PTPRM: variants seen among roughly 807,000 people sequenced by gnomAD.
PTPRM encodes the protein protein tyrosine phosphatase receptor type M, also known as receptor-type tyrosine-protein phosphatase mu.
PTPRM carries 47 observed loss-of-function variants against 186.7 expected under a neutral mutation model. The ratio of observed to expected loss-of-function variants is 0.25; its 90% CI spans 0.20 to 0.32. The LOEUF is 0.32. Ranked by LOEUF, PTPRM falls within the 10% of genes least tolerant of loss-of-function variation. The pLI is 1.00. For synonymous variants in PTPRM, 668 were observed against 674.9 expected, an observed-to-expected ratio of 0.99 and a Z score of 0.16; for missense variants, 1,494 against 1,865.0, an observed-to-expected ratio of 0.80 and a Z score of 3.66.
chr18:8,262,173 G>A (rs371449186), intron 19 of PTPRM, among the ~76,000 whole-genome samples: 4 of 152,090 alleles, frequency 2.6e-5, no homozygotes, highest in Admixed American at 6.6e-5. Context: ...ATTTTCAGTG[G>A]CTGCCCTCTC....
chr18:7,888,968 AAGG>A (rs1322867921), intron 3 of PTPRM, among the ~76,000 whole-genome samples: 1 of 152,126 alleles, frequency 6.6e-6, no homozygotes, highest in Non-Finnish European at 1.5e-5. Flanking sequence ...AGAATACAAA[AAGG>A]AGGGGAGCAA....
At chr18:8,106,094 C>A (rs1407631167) in intron 11 of PTPRM, among the ~76,000 whole-genome samples, 1 of 152,100 alleles carries the variant, frequency 6.6e-6, no homozygotes, top group Non-Finnish European at 1.5e-5. Context: ...GACTAGGAAG[C>A]CTGGTTTTCA....
At chr18:7,975,062 C>A (rs1011335625) in intron 7 of PTPRM, among the ~76,000 whole-genome samples, 1 of 152,150 alleles carries the variant, frequency 6.6e-6, no homozygotes, top group Admixed American at 6.5e-5. Context: ...GAAGATGCAT[C>A]CTTGCACCAC....
At chr18:7,838,572 C>T (rs78234401) in intron 2 of PTPRM, among the ~76,000 whole-genome samples, 62 of 152,340 alleles carry the variant, frequency 4.1e-4, no homozygotes, top group Non-Finnish European at 8.1e-4. Flanking sequence ...GAGACACAAG[C>T]ACCCCTGTGC....
At chr18:8,138,216 T>TC (rs11442236) in intron 13 of PTPRM, among the ~76,000 whole-genome samples, 1 of 149,844 alleles carries the variant, frequency 6.7e-6, no homozygotes. Flanking sequence ...TTTTTTTTTT[T>TC]CCCTCCTCTT....
At chr18:8,112,075 A>G (rs2091780891) in intron 11 of PTPRM, among the ~76,000 whole-genome samples, 1 of 152,216 alleles carries the variant, frequency 6.6e-6, no homozygotes, top group Non-Finnish European at 1.5e-5. Flanking sequence ...TACGTGACTC[A>G]ATCCGATAGA....
chr18:7,973,826 G>A (rs2054741079), intron 7 of PTPRM, among the ~76,000 whole-genome samples: 1 of 152,086 alleles, frequency 6.6e-6, no homozygotes, highest in South Asian at 2.1e-4. Flanking sequence ...ATGCAATTAT[G>A]TTTGCTAAAT....
intron 14 of PTPRM, among the ~76,000 whole-genome samples, chr18:8,171,880 G>C (rs929091923): frequency 6.6e-6 from 1 of 152,152 alleles, no homozygotes; most frequent in Admixed American, 6.5e-5. Flanking sequence ...TAGCCTAAGT[G>C]TTGGGGAAAA....
At chr18:8,300,881 C>A (rs1232140623) in intron 20 of PTPRM, among the ~76,000 whole-genome samples, 1 of 152,196 alleles carries the variant, frequency 6.6e-6, no homozygotes, top group Non-Finnish European at 1.5e-5. Flanking sequence ...ATCCGTGTTA[C>A]CCCTTCCTCT....
At chr18:7,599,900 G>A (rs1322013586) in intron 1 of PTPRM, among the ~76,000 whole-genome samples, 4 of 152,110 alleles carry the variant, frequency 2.6e-5, no homozygotes, top group Non-Finnish European at 5.9e-5. Context: ...TAGGTGCTGG[G>A]TGGGATCCAT....
At chr18:8,230,770 A>G (rs1280607171) in intron 14 of PTPRM, among the ~76,000 whole-genome samples, 1 of 152,196 alleles carries the variant, frequency 6.6e-6, no homozygotes, top group Non-Finnish European at 1.5e-5. Flanking sequence ...TCAGACCACT[A>G]TGTTTCTTTC....
chr18:8,170,597 C>T (rs2093385501), intron 14 of PTPRM, among the ~76,000 whole-genome samples: 1 of 151,892 alleles, frequency 6.6e-6, no homozygotes, highest in Non-Finnish European at 1.5e-5. Flanking sequence ...GATTTTCCTA[C>T]CTTTCTGTGT....
At chr18:7,732,878 T>C (rs912418167) in intron 1 of PTPRM, among the ~76,000 whole-genome samples, 1 of 152,096 alleles carries the variant, frequency 6.6e-6, no homozygotes, top group Non-Finnish European at 1.5e-5. Context: ...GAGGTTCTTT[T>C]CCAGCAAGCT....
chr18:7,933,877 T>TA (rs1191152010), intron 5 of PTPRM, among the ~76,000 whole-genome samples: 1 of 152,212 alleles, frequency 6.6e-6, no homozygotes, highest in Non-Finnish European at 1.5e-5. Flanking sequence ...CATGCAGAGT[T>TA]ACAAAAACTG....
At chr18:7,855,074 T>C (rs2145977126) in intron 2 of PTPRM, among the ~76,000 whole-genome samples, 1 of 152,314 alleles carries the variant, frequency 6.6e-6, no homozygotes, top group South Asian at 2.1e-4. Flanking sequence ...GAGGATATTC[T>C]TGAATATATC....
intron 13 of PTPRM, among the ~76,000 whole-genome samples, chr18:8,131,837 TC>T (rs2092517883): frequency 6.6e-6 from 1 of 152,190 alleles, no homozygotes; most frequent in African/African-American, 2.4e-5. Context: ...TAAATAACTG[TC>T]TCTGAGAAAC....
At chr18:8,080,362 G>A (rs182999298) in intron 9 of PTPRM, among the ~76,000 whole-genome samples, 3 of 152,270 alleles carry the variant, frequency 2.0e-5, no homozygotes, top group Admixed American at 1.3e-4. Context: ...CACATGGATT[G>A]TTTTAAAAGC....
intron 2 of PTPRM, among the ~76,000 whole-genome samples, chr18:7,882,669 G>A (rs1001543992): frequency 2.0e-5 from 3 of 152,210 alleles, no homozygotes; most frequent in African/African-American, 7.2e-5. Flanking sequence ...GTAAGCCAAA[G>A]TATTGAAGAA....
At chr18:8,346,441 T>C (rs1322065215) in intron 23 of PTPRM, among the ~76,000 whole-genome samples, 3 of 152,198 alleles carry the variant, frequency 2.0e-5, no homozygotes, top group South Asian at 4.1e-4. Context: ...GTGTCTCTTC[T>C]TACAAGGACA....
Sources: gnomAD v4.1 joint callset for allele counts (sites outside exome capture counted in the v4.1 genomes callset) on GRCh38, gnomAD v4.1.1 for gene constraint, MANE v1.5 for transcripts, NCBI Gene and HGNC (gene_info 2026-07-23, HGNC 2026-07-21) for gene names.